Variants in EFCAB6 observed in about 807,000 individuals in gnomAD.
The protein encoded by EFCAB6 is EF-hand calcium-binding domain-containing protein 6.
Under a neutral mutation model 169.8 loss-of-function variants are expected in EFCAB6, and 156 were observed. That is an observed-to-expected ratio of 0.92 (90% CI 0.81 to 1.05). The LOEUF is 1.05. EFCAB6 is among the 50% of genes least tolerant of loss of function. The probability of loss-of-function intolerance (pLI) is 0.00; values close to 1 mark genes in which losing one functional copy is unlikely to be tolerated. For synonymous variants in EFCAB6, 698 were observed against 676.4 expected (o/e 1.03, Z -0.50); for missense variants, 1,800 against 1,829.1 (o/e 0.98, Z 0.29).
intron 10 of EFCAB6, among the ~76,000 whole-genome samples, chr22:43,708,320 C>T (rs112095396): frequency 0.023 from 3,459 of 151,984 alleles, 120 homozygotes; most frequent in African/African-American, 0.079. Context: ...GCAGGAGAAT[C>T]GCTTGAACAC....
chr22:43,754,597 T>TA (rs2060888322), intron 6 of EFCAB6, among the ~76,000 whole-genome samples: 1 of 152,164 alleles, frequency 6.6e-6, no homozygotes. Flanking sequence ...GAGGATGGGA[T>TA]AAAAAATTAA....
At chr22:43,595,224 A>C (rs1293820568) in intron 23 of EFCAB6, among the ~76,000 whole-genome samples, 2 of 152,142 alleles carry the variant, frequency 1.3e-5, no homozygotes, top group African/African-American at 4.8e-5. Context: ...AGAAACTAGA[A>C]GAGCAAGAAA....
intron 17 of EFCAB6, among the ~76,000 whole-genome samples, chr22:43,654,077 T>C (rs976519827): frequency 3.3e-5 from 5 of 151,958 alleles, no homozygotes; most frequent in Non-Finnish European, 5.9e-5. Flanking sequence ...AGAAAATATT[T>C]TAAAATTACC....
chr22:43,619,339 C>T (rs572747984), intron 20 of EFCAB6, among the ~76,000 whole-genome samples: 1 of 152,072 alleles, frequency 6.6e-6, no homozygotes, highest in African/African-American at 2.4e-5. Context: ...AAATAATGAC[C>T]AAAAACAATC....
rs746025222 is a variant in EFCAB6, at chr22:43,741,669, G to A, written c.508-5676C>T. 4.2e-4 allele frequency among the ~76,000 whole-genome samples: 64 copies of A among 152,180 alleles called. 1 individual carries two copies. Among genetic ancestry groups the A allele is most frequent in the Admixed American group, 3.0e-3 (46 of 15,290 alleles). On this transcript the variant is annotated intron_variant, in intron 6 of 31. Coordinates refer to ENST00000262726, the MANE Select transcript of EFCAB6 (RefSeq NM_022785.4). ...GCTCAGAATAGTGCCCAGACGCAGC[G>A]GATGCCCATAAGTATACATGCAGAG... is the stretch of plus-strand genomic sequence containing the variant.
At chr22:43,659,078 C>T (rs1341151283) in intron 17 of EFCAB6, among the ~76,000 whole-genome samples, 1 of 152,212 alleles carries the variant, frequency 6.6e-6, no homozygotes, top group East Asian at 1.9e-4. Context: ...TGTCAGCGGC[C>T]CTTGCCTGTG....
intron 26 of EFCAB6, among the ~76,000 whole-genome samples, chr22:43,567,053 A>G (rs1416338474): frequency 6.6e-6 from 1 of 152,050 alleles, no homozygotes; most frequent in Non-Finnish European, 1.5e-5. Flanking sequence ...GACTCAGTGC[A>G]AGCTCATCAG....
chr22:43,558,649 C>A (rs1024683181), intron 26 of EFCAB6, among the ~76,000 whole-genome samples: 3 of 152,146 alleles, frequency 2.0e-5, no homozygotes, highest in Non-Finnish European at 1.5e-5. Context: ...CTTCAGCAAC[C>A]ATCGACATTG....
chr22:43,533,255 A>G (rs1291954034), intron 30 of EFCAB6: 2 of 152,204 alleles, frequency 1.3e-5, no homozygotes, highest in Admixed American at 6.5e-5. Context: ...CACCACACAC[A>G]CTCAGAGGAA....
chr22:43,749,354 C>G (rs2060675752), intron 6 of EFCAB6, among the ~76,000 whole-genome samples: 2 of 152,096 alleles, frequency 1.3e-5, no homozygotes, highest in Admixed American at 1.3e-4. Flanking sequence ...GCATATAGCC[C>G]TCTTATTCTT....
intron 30 of EFCAB6, among the ~76,000 whole-genome samples, chr22:43,531,798 G>A (rs1341341426): frequency 6.6e-6 from 1 of 152,110 alleles, no homozygotes; most frequent in Non-Finnish European, 1.5e-5. Flanking sequence ...GGGCTCACAT[G>A]ACCTCCCACA....
intron 6 of EFCAB6, among the ~76,000 whole-genome samples, chr22:43,743,335 A>G (rs2060440591): frequency 6.6e-6 from 1 of 152,164 alleles, no homozygotes; most frequent in Non-Finnish European, 1.5e-5. Flanking sequence ...GGACAATCCC[A>G]GTGTATCAAA....
rs186567411 is a variant in EFCAB6, at chr22:43,774,960, G to A, written c.140-1857C>T. Among the ~76,000 whole-genome samples, 114 of 152,204 alleles carry A rather than the reference G, an allele frequency of 7.5e-4. 1 individual carries two copies. Among genetic ancestry groups the A allele is most frequent in the Admixed American group, 3.5e-3 (54 of 15,284 alleles). ...TTCTTCACCTTCCCCCTGGTACCAC[G>A]TGGAGGAGGAACCAAAAGGGAAGGA... On this transcript the variant is annotated intron_variant, in intron 3 of 31. Coordinates refer to ENST00000262726, the MANE Select transcript of EFCAB6 (RefSeq NM_022785.4).
At chr22:43,678,276 T>A in intron 12 of EFCAB6, 113 bp from the exon 13 acceptor site, 1 of 996,792 alleles carries the variant, frequency 1.0e-6, no homozygotes, top group South Asian at 1.7e-5. Flanking sequence ...CCAAATAGAA[T>A]TATGATTGGA....
At chr22:43,548,644 G>A (rs979520919) in intron 27 of EFCAB6, among the ~76,000 whole-genome samples, 4 of 146,406 alleles carry the variant, frequency 2.7e-5, no homozygotes, top group East Asian at 2.1e-4. Context: ...AACCTTGAAC[G>A]CACATACATA....
intron 31 of EFCAB6, among the ~76,000 whole-genome samples, chr22:43,529,966 G>A (rs1263363293): frequency 6.6e-6 from 1 of 152,258 alleles, no homozygotes; most frequent in African/African-American, 2.4e-5. Context: ...TTTCTAGGAG[G>A]AGACTGGAAA....
chr22:43,612,197 A>G (rs947829269), intron 21 of EFCAB6, among the ~76,000 whole-genome samples: 1 of 152,336 alleles, frequency 6.6e-6, no homozygotes. Flanking sequence ...AAAAGACTTA[A>G]ACGTCAAACT....
At chr22:43,656,745 C>G (rs2056764526) in intron 17 of EFCAB6, among the ~76,000 whole-genome samples, 1 of 151,896 alleles carries the variant, frequency 6.6e-6, no homozygotes, top group Non-Finnish European at 1.5e-5. Flanking sequence ...TACCACATAG[C>G]TTAGCTGTGT....
chr22:43,553,511 G>T (rs1323898573), intron 27 of EFCAB6: 2 of 152,374 alleles, frequency 1.3e-5, no homozygotes, highest in Non-Finnish European at 2.9e-5. Flanking sequence ...GAAGGGCTGG[G>T]GAGTATGGAC....
Sources: allele counts gnomAD v4.1 joint callset (sites outside exome capture counted in the v4.1 genomes callset), GRCh38; gene constraint gnomAD v4.1.1; transcripts MANE v1.5; gene names NCBI Gene and HGNC (gene_info 2026-07-23, HGNC 2026-07-21).